STRBP: variants seen among roughly 807,000 people sequenced by gnomAD.
STRBP encodes the protein spermatid perinuclear RNA binding protein, also known as spermatid perinuclear RNA-binding protein.
STRBP carries 13 observed loss-of-function variants against 80.1 expected under a neutral mutation model. That is an observed-to-expected ratio of 0.16 (90% CI 0.11 to 0.26). The LOEUF is 0.26. STRBP is among the 10% of genes least tolerant of loss of function. The pLI is 1.00. For synonymous variants in STRBP, 284 were observed against 291.2 expected (o/e 0.98, Z 0.25); for missense variants, 485 against 815.2 (o/e 0.59, Z 4.93).
chr9:123,122,650 T>G lies in STRBP; in HGVS notation c.*2947A>C, dbSNP rs2035768922. On this transcript the variant is annotated 3_prime_UTR_variant, in exon 19 of 19. Coordinates refer to ENST00000348403, the MANE Select transcript of STRBP (RefSeq NM_018387.5). Reference sequence around the variant, plus strand: ...CCTTGCACAAGAGATGGGGTACTCCTGCAGCCTGAAGAAACACAAGCTGCA... The same window carrying G: ...CCTTGCACAAGAGATGGGGTACTCCGGCAGCCTGAAGAAACACAAGCTGCA... The G allele has an allele frequency of 9.8e-7, 1 of 1,024,436 alleles. No homozygotes were observed. Among genetic ancestry groups the G allele is most frequent in the Admixed American group, 5.4e-5 (1 of 18,520 alleles). The allele number at this position is 1,024,436 out of a possible 1,614,324, so 63.5% of individuals were successfully genotyped here.
intron 1 of STRBP, among the ~76,000 whole-genome samples, chr9:123,254,925 A>C (rs1375270310): frequency 2.0e-5 from 3 of 152,238 alleles, no homozygotes; most frequent in Non-Finnish European, 4.4e-5. Flanking sequence ...CACCCTTCTA[A>C]ACGTAGCCGG....
chr9:123,153,894 T>C (rs964426522), intron 11 of STRBP, among the ~76,000 whole-genome samples: 1 of 152,142 alleles, frequency 6.6e-6, no homozygotes, highest in Non-Finnish European at 1.5e-5. Context: ...TAGGACACTT[T>C]AACATTCAGA....
chr9:123,238,955 T>C (rs1014227616), intron 1 of STRBP, among the ~76,000 whole-genome samples: 2 of 152,224 alleles, frequency 1.3e-5, no homozygotes, highest in Admixed American at 1.3e-4. Context: ...AATTCGATCA[T>C]AACATTACAA....
intron 1 of STRBP, among the ~76,000 whole-genome samples, chr9:123,257,381 ACT>A (rs1239557241): frequency 6.6e-6 from 1 of 151,228 alleles, no homozygotes; most frequent in Admixed American, 6.6e-5. Context: ...ATTCTGGATC[ACT>A]CTCTCTTAGG....
intron 1 of STRBP, among the ~76,000 whole-genome samples, chr9:123,243,375 T>C (rs773244327): frequency 3.3e-5 from 5 of 150,400 alleles, no homozygotes; most frequent in Non-Finnish European, 5.9e-5. Context: ...CTTTCAGAAA[T>C]AAACACACTT....
chr9:123,120,373 G>A (rs2035711235), downstream of STRBP, among the ~76,000 whole-genome samples: 1 of 151,680 alleles, frequency 6.6e-6, no homozygotes, highest in African/African-American at 2.4e-5. Context: ...GGCATCAGAT[G>A]AATGGGAATT....
chr9:123,260,155 C>A (rs1194544787), intron 1 of STRBP, among the ~76,000 whole-genome samples: 1 of 152,130 alleles, frequency 6.6e-6, no homozygotes. Flanking sequence ...TGTGTGCCAA[C>A]TGGAATGAGC....
At chr9:123,151,498 C>T (rs2037055637) in intron 11 of STRBP, among the ~76,000 whole-genome samples, 1 of 152,136 alleles carries the variant, frequency 6.6e-6, no homozygotes, top group Admixed American at 6.6e-5. Context: ...TCTTCGATGA[C>T]AGCAGAATAA....
chr9:123,195,120 C>CA (rs960714952), intron 2 of STRBP, among the ~76,000 whole-genome samples: 2 of 152,026 alleles, frequency 1.3e-5, no homozygotes, highest in African/African-American at 2.4e-5. Context: ...GCATCAAAAA[C>CA]AAAAAACAAA....
chr9:123,115,408 G>A lies in STRBP; in HGVS notation c.*84+521C>T, dbSNP rs569494307. 4.7e-5 allele frequency: 22 copies of A among 470,858 alleles called. No homozygotes were observed. The East Asian group carries it at 1.1e-3, about 24-fold the overall frequency. The allele number at this position is 470,858 out of a possible 1,614,324, so 29.2% of individuals were successfully genotyped here. ...TGGCAAGGAGGATCCCTAGCAGGGA[G>A]GGGGAGACCCACTGAAGCCTTTCTC... is the stretch of plus-strand genomic sequence containing the variant. On this transcript the variant is annotated intron_variant and NMD_transcript_variant, in intron 3 of 3. Transcript: ENST00000471564. This position sits in a 1 kb window ranked among gnomAD's most constrained non-coding sequence, Gnocchi z 5.0.
At chr9:123,185,949 G>A (rs562515181) in intron 2 of STRBP, among the ~76,000 whole-genome samples, 140 of 147,436 alleles carry the variant, frequency 9.5e-4, no homozygotes, top group African/African-American at 1.7e-3. Flanking sequence ...GGAGAATGGC[G>A]TGAACCCGGG....
At chr9:123,130,754 A>T (rs372081967) in intron 17 of STRBP, among the ~76,000 whole-genome samples, 1 of 152,140 alleles carries the variant, frequency 6.6e-6, no homozygotes, top group Non-Finnish European at 1.5e-5. Context: ...GAAATTCATA[A>T]CCTTTTCCTT....
intron 4 of STRBP, 104 bp from the exon 5 acceptor site, chr9:123,173,946 A>C: frequency 8.0e-7 from 1 of 1,242,504 alleles, no homozygotes; most frequent in Non-Finnish European, 1.1e-6. Flanking sequence ...ATAAGGGAGT[A>C]TGTAAATCCA....
At chr9:123,252,789 T>C (rs1197398510) in intron 1 of STRBP, among the ~76,000 whole-genome samples, 1 of 152,204 alleles carries the variant, frequency 6.6e-6, no homozygotes, top group East Asian at 1.9e-4. Context: ...GTATTTTACA[T>C]GATACCATCC....
chr9:123,247,325 T>A (rs940335699), intron 1 of STRBP, among the ~76,000 whole-genome samples: 6 of 152,172 alleles, frequency 3.9e-5, no homozygotes, highest in Non-Finnish European at 8.8e-5. Context: ...TGGAGTACAG[T>A]GCCACAATCT....
At chr9:123,164,819 C>A (rs932854052) in intron 6 of STRBP, among the ~76,000 whole-genome samples, 1 of 152,158 alleles carries the variant, frequency 6.6e-6, no homozygotes, top group Non-Finnish European at 1.5e-5. Context: ...AGAAGACATG[C>A]CCCAAACCAC....
At chr9:123,250,173 C>T (rs936967171) in intron 1 of STRBP, among the ~76,000 whole-genome samples, 1 of 152,164 alleles carries the variant, frequency 6.6e-6, no homozygotes, top group African/African-American at 2.4e-5. Context: ...TAAAATATTT[C>T]TCCCTTTTCC....
intron 17 of STRBP, among the ~76,000 whole-genome samples, chr9:123,128,608 A>G (rs1391410489): frequency 1.3e-5 from 2 of 152,246 alleles, no homozygotes; most frequent in East Asian, 3.8e-4. Flanking sequence ...TCGTCGCATC[A>G]TCTGAACCTA....
At position 123,257,914 on chromosome 9, in the gene STRBP, AATT is replaced by A. The variant is rs1443005587; in HGVS notation, c.-302+10519_-302+10521del. Among the ~76,000 whole-genome samples, 10 of 151,858 alleles carry A rather than the reference AATT, an allele frequency of 6.6e-5. No homozygotes were observed. In the East Asian group the frequency reaches 9.6e-4, roughly 15 times the overall value. On this transcript the variant is annotated intron_variant, in intron 1 of 18. Coordinates refer to ENST00000348403, the MANE Select transcript of STRBP (RefSeq NM_018387.5). Reference sequence around the variant, plus strand: ...TATATTTATTTACAAAATTGTATAGAATTATTATATCTATATCTTTGTATATCC... The same window carrying A: ...TATATTTATTTACAAAATTGTATAGAATTATATCTATATCTTTGTATATCC...
Sources: allele counts gnomAD v4.1 joint callset (sites outside exome capture counted in the v4.1 genomes callset), GRCh38; gene constraint gnomAD v4.1.1; non-coding constraint Gnocchi (gnomAD v3.1); transcripts MANE v1.5; gene names NCBI Gene and HGNC (gene_info 2026-07-23, HGNC 2026-07-21).